The following URM1 variants were observed in gnomAD, a reference collection of about 807,000 sequenced individuals.
URM1 encodes the protein ubiquitin related modifier 1.
URM1 carries 11 observed loss-of-function variants against 17.7 expected under a neutral mutation model. The observed-to-expected ratio is 0.62, with a 90% CI of 0.39 to 1.03. The LOEUF is 1.03. Ranked by LOEUF, URM1 falls within the 50% of genes least tolerant of loss-of-function variation. URM1 has a pLI of 0.00. For missense variants in URM1, 128 were observed against 129.2 expected, an observed-to-expected ratio of 0.99 and a Z score of 0.04; for synonymous variants, 48 against 50.6, an observed-to-expected ratio of 0.95 and a Z score of 0.22.
rs748698395 is a variant in URM1, at chr9:128,389,725, C to T, written c.297C>T (p.His99=). 38 of 1,613,400 alleles carry T rather than the reference C, an allele frequency of 2.4e-5. 1 individual carries two copies. Among genetic ancestry groups the T allele is most frequent in the Admixed American group, 1.5e-4 (9 of 59,992 alleles). Residue 99 remains histidine (H), a synonymous_variant, in exon 5 of 5, where the codon CAC becomes CAT. Coordinates refer to ENST00000372853, the MANE Select transcript of URM1 (RefSeq NM_030914.4). ...QDSVLFISTL[H]GG ...GCGTCCTCTTCATCTCCACTCTGCA[C>T]GGCGGCTGAGGGCCCTTCTCTGGGC... is the stretch of plus-strand genomic sequence containing the variant.
rs917905591 is a variant in URM1 at position 128,388,698 on chromosome 9, C to T, written c.189-563C>T. 3.0e-6 allele frequency: 3 copies of T among 986,448 alleles called. No homozygotes were observed. In the African/African-American group the frequency reaches 5.2e-5, roughly 17 times the overall value. 61.1% of individuals were successfully genotyped at this position (986,448 alleles called of 1,614,324 possible). A position where few individuals can be genotyped will look rare whatever the true frequency, so the allele number is the denominator to read the frequency against. On this transcript the variant is annotated intron_variant, in intron 3 of 4. Coordinates refer to ENST00000372853, the MANE Select transcript of URM1 (RefSeq NM_030914.4). ...AGCTGCCTGACCAAATGTTGACCTA[C>T]CCTGCCTTATGCCAGGCAGGACTGC...
chr9:128,376,357 G>T (rs1309834598), intron 1 of URM1, among the ~76,000 whole-genome samples: 1 of 151,884 alleles, frequency 6.6e-6, no homozygotes, highest in Admixed American at 6.6e-5. Flanking sequence ...GTGAGACCTT[G>T]TCTCAAAAAA....
intron 1 of URM1, among the ~76,000 whole-genome samples, chr9:128,372,268 ATG>A (rs150609498): frequency 2.1e-4 from 32 of 149,730 alleles, no homozygotes; most frequent in Admixed American, 2.7e-4. Flanking sequence ...ATAGGTAGGG[ATG>A]TGTGTGTGTG....
At chr9:128,386,501 G>C (rs1833229455) in intron 2 of URM1, among the ~76,000 whole-genome samples, 1 of 152,254 alleles carries the variant, frequency 6.6e-6, no homozygotes, top group Non-Finnish European at 1.5e-5. Flanking sequence ...CCGTGGCCCT[G>C]TGCTTTGCTG....
In URM1 at chr9:128,389,818, T is replaced by G. The variant is rs1833285318; in HGVS notation, c.*84T>G. 1 of 1,572,848 alleles carries G rather than the reference T, an allele frequency of 6.4e-7. No individual in the cohort carries two copies. The highest frequency in any genetic ancestry group is 1.1e-5 in the South Asian group (1 of 87,316). On this transcript the variant is annotated 3_prime_UTR_variant, in exon 5 of 5. Coordinates refer to ENST00000372853, the MANE Select transcript of URM1 (RefSeq NM_030914.4). ...CTTGGGCCCTGCTTCCAGGTCTCCC[T>G]GTCCCCCTTGCCTGCCTTCTTCCCT...
chr9:128,388,849 T>C lies in URM1; in HGVS notation c.189-412T>C, dbSNP rs144462679. 784 of 1,003,250 alleles carry C rather than the reference T, an allele frequency of 7.8e-4. 5 individuals are homozygous for C. In the African/African-American group the frequency reaches 0.01, roughly 13 times the overall value. The allele number at this position is 1,003,250 out of a possible 1,614,324, so 62.1% of individuals were successfully genotyped here. On this transcript the variant is annotated intron_variant, in intron 3 of 4. Transcript: ENST00000372853. ...TTTTCCAGGGCTAACGAGAATAAGA[T>C]TAGACCCCTGGAAAAGTCCTACTAA...
intron 2 of URM1, among the ~76,000 whole-genome samples, chr9:128,382,503 C>T (rs896413959): frequency 6.6e-6 from 1 of 152,150 alleles, no homozygotes; most frequent in African/African-American, 2.4e-5. Context: ...ATGTGACAAG[C>T]CTCACAAATG....
rs916035999 is a variant in URM1, at chr9:128,391,857, A to T, written c.*2123A>T. ...TTGAAATTGGCCATGTCCAAGGCACACCAGACGATTTCAGGTCATTTTTAG... is the reference window on the plus strand; with the variant it reads ...TTGAAATTGGCCATGTCCAAGGCACTCCAGACGATTTCAGGTCATTTTTAG... On this transcript the variant is annotated 3_prime_UTR_variant, in exon 5 of 5. Coordinates refer to ENST00000372853, the MANE Select transcript of URM1 (RefSeq NM_030914.4). The T allele has an allele frequency of 6.6e-6, 1 of 152,218 alleles. No homozygotes were observed. The highest frequency in any genetic ancestry group is 1.5e-5 in the Non-Finnish European group (1 of 68,048). 9.4% of individuals were successfully genotyped at this position (152,218 alleles called of 1,614,324 possible). A position where few individuals can be genotyped will look rare whatever the true frequency, so the allele number is the denominator to read the frequency against.
chr9:128,389,450 G>T (rs372835688), intron 4 of URM1, 141 bp downstream of exon 4: 3 of 1,577,166 alleles, frequency 1.9e-6, no homozygotes, highest in Non-Finnish European at 2.6e-6. Flanking sequence ...GGCTGCTGGA[G>T]TCTCCCACTC....
intron 3 of URM1, chr9:128,388,890 T>A: frequency 9.7e-7 from 1 of 1,031,640 alleles, no homozygotes; most frequent in Non-Finnish European, 1.2e-6. Flanking sequence ...ACCATGACAG[T>A]GTGGCAAGCA....
In URM1 at chr9:128,379,799, C is replaced by CA. The variant is rs1280151195; in HGVS notation, c.106+1702dup. On this transcript the variant is annotated intron_variant, in intron 2 of 4. Coordinates refer to ENST00000372853, the MANE Select transcript of URM1 (RefSeq NM_030914.4). ...TGGGCAACAGAGCGAGACTCCATCTCAAAAAAAAATAAAATAAAATAAAAT... is the reference window on the plus strand; with the variant it reads ...TGGGCAACAGAGCGAGACTCCATCTCAAAAAAAAAATAAAATAAAATAAAAT... Among the ~76,000 whole-genome samples the CA allele has an allele frequency of 1.1e-3, 157 of 145,010 alleles. 2 individuals are homozygous for CA. Among genetic ancestry groups the CA allele is most frequent in the Middle Eastern group, 3.5e-3 (1 of 288 alleles).
chr9:128,371,704 C>CTA (rs941216598), intron 1 of URM1, among the ~76,000 whole-genome samples: 16 of 152,028 alleles, frequency 1.1e-4, no homozygotes, highest in African/African-American at 3.9e-4. Context: ...CAGCCTCTCT[C>CTA]TCTTCTTTTC....
At chr9:128,373,047 G>A (rs1833032672) in intron 1 of URM1, among the ~76,000 whole-genome samples, 1 of 152,128 alleles carries the variant, frequency 6.6e-6, no homozygotes, top group Admixed American at 6.5e-5. Context: ...GAGGAAGATG[G>A]GGCCATTGCT....
At position 128,388,930 on chromosome 9, in the gene URM1, G is replaced by C. The variant is rs146632755; in HGVS notation, c.189-331G>C. Reference sequence around the variant, plus strand: ...ACACATATCAGCTCATTTCGTTTTCGTATAGGCCTTGTGGGTTAGACAGTA... The same window carrying C: ...ACACATATCAGCTCATTTCGTTTTCCTATAGGCCTTGTGGGTTAGACAGTA... On this transcript the variant is annotated intron_variant, in intron 3 of 4. Transcript: ENST00000372853. The C allele has an allele frequency of 2.6e-4, 288 of 1,123,260 alleles. No homozygotes were observed. The African/African-American group carries it at 3.5e-3, about 14-fold the overall frequency. 69.6% of individuals were successfully genotyped at this position (1,123,260 alleles called of 1,614,324 possible).
chr9:128,381,465 G>A (rs1371364342), intron 2 of URM1, among the ~76,000 whole-genome samples: 2 of 152,178 alleles, frequency 1.3e-5, no homozygotes, highest in Non-Finnish European at 2.9e-5. Context: ...GGGAGGCCAA[G>A]GTAGGCGGAT....
rs748012287 is a variant in URM1 at position 128,389,729 on chromosome 9, G to A, written c.301G>A (p.Gly101Ser). 4.3e-5 allele frequency: 69 copies of A among 1,613,340 alleles called. No homozygotes were observed. Among genetic ancestry groups the A allele is most frequent in the Non-Finnish European group, 5.4e-5 (64 of 1,179,994 alleles). Reference protein sequence around the residue: ...SVLFISTLHGG With the variant: ...SVLFISTLHGS ...CCTCTTCATCTCCACTCTGCACGGC[G>A]GCTGAGGGCCCTTCTCTGGGCCTGG... The change falls in exon 5 of 5, where the codon GGC becomes AGC. Residue 101 changes from glycine (G) to serine (S), a missense_variant. Coordinates refer to ENST00000372853, the MANE Select transcript of URM1 (RefSeq NM_030914.4).
Position 128,391,722 on chromosome 9 carries a change from A to G in URM1, c.*1988A>G, listed in dbSNP as rs1214951039. 6.6e-6 allele frequency: 1 copy of G among 152,154 alleles called. No individual in the cohort carries two copies. The highest frequency in any genetic ancestry group is 1.9e-4 in the East Asian group (1 of 5,192). 9.4% of individuals were successfully genotyped at this position (152,154 alleles called of 1,614,324 possible). On this transcript the variant is annotated 3_prime_UTR_variant, in exon 5 of 5. Coordinates refer to ENST00000372853, the MANE Select transcript of URM1 (RefSeq NM_030914.4). ...CTGGCTGCAGAGAGTGGGAGGTGTG[A>G]TGTGGAATATCCCTTCTCCCAGCAC...
intron 1 of URM1, among the ~76,000 whole-genome samples, chr9:128,372,657 T>A (rs1420378280): frequency 6.6e-6 from 1 of 152,164 alleles, no homozygotes; most frequent in Admixed American, 6.6e-5. Context: ...GACTCCTCAC[T>A]GTTTTGCCTC....
chr9:128,371,453 A>T (rs1467065457), intron 1 of URM1, 38 bp downstream of exon 1: 1 of 1,604,174 alleles, frequency 6.2e-7, no homozygotes, highest in African/African-American at 1.3e-5. Context: ...GGATGGATTG[A>T]AGTCGTCGGG....
Sources: gnomAD v4.1 joint callset for allele counts (sites outside exome capture counted in the v4.1 genomes callset) on GRCh38, gnomAD v4.1.1 for gene constraint, MANE v1.5 for transcripts, NCBI Gene and HGNC (gene_info 2026-07-23, HGNC 2026-07-21) for gene names.